The following TBXA2R variants were observed in gnomAD, a reference collection of about 807,000 sequenced individuals.
TBXA2R encodes prostanoid TP receptor.
TBXA2R carries 15 observed loss-of-function variants against 15.6 expected under a neutral mutation model. That is an observed-to-expected ratio of 0.96 (90% confidence interval 0.64 to 1.48). TBXA2R has a LOEUF of 1.48. Among genes scored for constraint, TBXA2R ranks in the 40% most tolerant of loss-of-function variants. The pLI is 0.00. For missense variants in TBXA2R, 506 were observed against 491.4 expected, an observed-to-expected ratio of 1.03 and a Z score of -0.28; for synonymous variants, 280 against 241.2, an observed-to-expected ratio of 1.16 and a Z score of -1.49.
Position 3,595,078 on chromosome 19 carries a change from T to TAAAAA in TBXA2R, c.*605_*609dup. ...CTGGGCCACAGAGTGAGACTCCGTC[T>TAAAAA]AAAAAAAAAAAAAAAAATGGCCAGG... is the stretch of plus-strand genomic sequence containing the variant. On this transcript the variant is annotated 3_prime_UTR_variant, in exon 3 of 3. Coordinates refer to ENST00000375190, the MANE Select transcript of TBXA2R (RefSeq NM_001060.6). The TAAAAA allele has an allele frequency of 2.1e-5, 10 of 477,226 alleles. No individual in the cohort carries two copies. The highest frequency in any genetic ancestry group is 3.4e-5 in the Admixed American group (1 of 29,122). 29.6% of individuals were successfully genotyped at this position (477,226 alleles called of 1,614,324 possible).
chr19:3,605,164 TC>T (rs2145300708), intron 1 of TBXA2R, among the ~76,000 whole-genome samples: 1 of 152,308 alleles, frequency 6.6e-6, no homozygotes, highest in Non-Finnish European at 1.5e-5. Context: ...AGCCTCGCTT[TC>T]CCCATCTCTC....
Position 3,595,078 on chromosome 19 carries a change from T to TG in TBXA2R, c.*609_*610insC. The TG allele has an allele frequency of 2.1e-6, 1 of 477,244 alleles. No homozygotes were observed. The highest frequency in any genetic ancestry group is 6.9e-4 in the Middle Eastern group (1 of 1,452). The allele number at this position is 477,244 out of a possible 1,614,324, so 29.6% of individuals were successfully genotyped here. On this transcript the variant is annotated 3_prime_UTR_variant, in exon 3 of 3. Coordinates refer to ENST00000375190, the MANE Select transcript of TBXA2R (RefSeq NM_001060.6). ...CTGGGCCACAGAGTGAGACTCCGTC[T>TG]AAAAAAAAAAAAAAAAATGGCCAGG...
Position 3,595,862 on chromosome 19 carries a change from C to T in TBXA2R, c.858G>A (p.Thr286=), listed in dbSNP as rs991840948. 2.5e-6 allele frequency: 4 copies of T among 1,610,264 alleles called. No homozygotes were observed. Among genetic ancestry groups the T allele is most frequent in the Non-Finnish European group, 3.4e-6 (4 of 1,178,782 alleles). The part of the protein sequence containing the change: ...MSPAGQLSRT[T]EKELLIYLRV... Reference sequence around the variant, plus strand: ...GCAAGTAGATGAGCAGCTCCTTCTCCGTGGTGCGGGACAGCTGCCCGGCGG... The same window carrying T: ...GCAAGTAGATGAGCAGCTCCTTCTCTGTGGTGCGGGACAGCTGCCCGGCGG... The change falls in exon 3 of 3, where the codon ACG becomes ACA. Residue 286 remains threonine (T), a synonymous_variant. Coordinates refer to ENST00000375190, the MANE Select transcript of TBXA2R (RefSeq NM_001060.6).
rs897676617 is a variant in TBXA2R at position 3,595,531 on chromosome 19, G to A, written c.*157C>T. 3 of 1,434,686 alleles carry A rather than the reference G, an allele frequency of 2.1e-6. No individual in the cohort carries two copies. Among genetic ancestry groups the A allele is most frequent in the East Asian group, 5.0e-5 (2 of 39,914 alleles). The allele number at this position is 1,434,686 out of a possible 1,614,324, so 88.9% of individuals were successfully genotyped here. On this transcript the variant is annotated 3_prime_UTR_variant, in exon 3 of 3. Coordinates refer to ENST00000375190, the MANE Select transcript of TBXA2R (RefSeq NM_001060.6). ...TAAAAGGATCAGGGAGGAGTTGGGG[G>A]TCCCCGGGTTGGATTGGGGTCAACC...
At chr19:3,597,267 A>T (rs1012218755) in intron 2 of TBXA2R, among the ~76,000 whole-genome samples, 4 of 151,444 alleles carry the variant, frequency 2.6e-5, no homozygotes, top group Non-Finnish European at 5.9e-5. Context: ...ATATTTAAAA[A>T]TATTTAAAAT....
chr19:3,606,420 G>C (rs2032837585), intron 1 of TBXA2R, 110 bp downstream of exon 1: 1 of 152,818 alleles, frequency 6.5e-6, no homozygotes, highest in Admixed American at 6.5e-5. Context: ...CTGTCACCGC[G>C]GGCTTTGCGA....
intron 2 of TBXA2R, among the ~76,000 whole-genome samples, chr19:3,596,908 T>G (rs1313842546): frequency 6.6e-6 from 1 of 150,742 alleles, no homozygotes; most frequent in African/African-American, 2.4e-5. Flanking sequence ...ATAATAAAAA[T>G]TATATTTATC....
At chr19:3,602,244 GCT>G (rs2086312725) in intron 1 of TBXA2R, among the ~76,000 whole-genome samples, 1 of 151,928 alleles carries the variant, frequency 6.6e-6, no homozygotes, top group South Asian at 2.1e-4. Flanking sequence ...AACAAAACCA[GCT>G]CCCCATACCC....
chr19:3,606,291 GC>G (rs1389572922), intron 1 of TBXA2R, among the ~76,000 whole-genome samples: 4 of 152,142 alleles, frequency 2.6e-5, no homozygotes, highest in African/African-American at 9.7e-5. Context: ...AGACCAGAGA[GC>G]CCCCCGGACA....
rs35094768 is a variant in TBXA2R at position 3,594,746 on chromosome 19, C to A, written c.*942G>T. The A allele has an allele frequency of 8.6e-3, 10,376 of 1,205,544 alleles. 78 individuals carry two copies. Among genetic ancestry groups the A allele is most frequent in the Non-Finnish European group, 0.011 (9,488 of 872,726 alleles). The allele number at this position is 1,205,544 out of a possible 1,614,324, so 74.7% of individuals were successfully genotyped here. On this transcript the variant is annotated 3_prime_UTR_variant, in exon 3 of 3. Coordinates refer to ENST00000375190, the MANE Select transcript of TBXA2R (RefSeq NM_001060.6). ...CCGGGTGAGGCCCAATGCACAAACT[C>A]CAGAGATTGAAAACTTCTGGACCCA...
At chr19:3,605,338 C>T (rs968277887) in intron 1 of TBXA2R, among the ~76,000 whole-genome samples, 3 of 152,220 alleles carry the variant, frequency 2.0e-5, no homozygotes, top group Admixed American at 6.5e-5. Flanking sequence ...TGTGCACACT[C>T]GAGACACACA....
At chr19:3,605,414 A>G (rs143851303) in intron 1 of TBXA2R, among the ~76,000 whole-genome samples, 77 of 152,250 alleles carry the variant, frequency 5.1e-4, no homozygotes, top group Non-Finnish European at 7.4e-5. Context: ...ACAGACAGAA[A>G]CACAGCAGGC....
chr19:3,595,446 G>T lies in TBXA2R; in HGVS notation c.*242C>A, dbSNP rs4987258. On this transcript the variant is annotated 3_prime_UTR_variant, in exon 3 of 3. Transcript: ENST00000375190. ...TGCCCTTCCTGGGGTTGGGAGGGAC[G>T]CAGAGAAGGGGTGGGAGCTCTGGAT... 3.5e-6 allele frequency: 5 copies of T among 1,411,228 alleles called. No homozygotes were observed. The African/African-American group carries it at 5.8e-5, about 16-fold the overall frequency. 87.4% of individuals were successfully genotyped at this position (1,411,228 alleles called of 1,614,324 possible).
rs10409504 is a variant in TBXA2R, at chr19:3,599,679, C to T, written c.786+170G>A. Among the ~76,000 whole-genome samples, 76,337 of 151,782 alleles carry T rather than the reference C, an allele frequency of 0.5. 19,802 individuals are homozygous for T. Among genetic ancestry groups the T allele is most frequent in the Non-Finnish European group, 0.55 (37,354 of 67,820 alleles). ...ACAGGGTTTCACCATGTTGGCCAGG[C>T]TGGTCTCGGACTCCTGGCCTCAAGC... On this transcript the variant is annotated intron_variant, in intron 2 of 2. Coordinates refer to ENST00000375190, the MANE Select transcript of TBXA2R (RefSeq NM_001060.6).
chr19:3,605,556 C>T (rs2032814982), intron 1 of TBXA2R, among the ~76,000 whole-genome samples: 1 of 150,802 alleles, frequency 6.6e-6, no homozygotes, highest in African/African-American at 2.4e-5. Flanking sequence ...CAGACATGCA[C>T]AGACACACAT....
At chr19:3,596,879 C>G (rs1259618771) in intron 2 of TBXA2R, among the ~76,000 whole-genome samples, 2 of 151,482 alleles carry the variant, frequency 1.3e-5, no homozygotes, top group Admixed American at 1.3e-4. Flanking sequence ...CCACACCTGG[C>G]CATAAATAAA....
intron 2 of TBXA2R, among the ~76,000 whole-genome samples, chr19:3,596,944 T>A (rs1225417027): frequency 3.3e-5 from 5 of 151,092 alleles, no homozygotes; most frequent in Non-Finnish European, 5.9e-5. Flanking sequence ...ATGGGAAATT[T>A]TTTTTTTTTT....
At chr19:3,598,771 C>G (rs1242147339) in intron 2 of TBXA2R, among the ~76,000 whole-genome samples, 1 of 152,102 alleles carries the variant, frequency 6.6e-6, no homozygotes, top group African/African-American at 2.4e-5. Flanking sequence ...TGGGTTCAAG[C>G]GATTCTCTTG....
In TBXA2R at chr19:3,595,184, G is replaced by A; in HGVS notation, c.*504C>T. On this transcript the variant is annotated 3_prime_UTR_variant, in exon 3 of 3. Transcript: ENST00000375190. ...ACCTGAGGTCAGGAGTTCAAGACCA[G>A]CCTGGCCAACACGGTGAAACCCCGT... 1.6e-6 allele frequency: 1 copy of A among 621,004 alleles called. No individual in the cohort carries two copies. Among genetic ancestry groups the A allele is most frequent in the East Asian group, 3.3e-5 (1 of 30,036 alleles). 38.5% of individuals were successfully genotyped at this position (621,004 alleles called of 1,614,324 possible). A position where few individuals can be genotyped will look rare whatever the true frequency, so the allele number is the denominator to read the frequency against.
Sources: allele counts gnomAD v4.1 joint callset (sites outside exome capture counted in the v4.1 genomes callset), GRCh38; gene constraint gnomAD v4.1.1; transcripts MANE v1.5; gene names NCBI Gene and HGNC (gene_info 2026-07-23, HGNC 2026-07-21).